Variants in MICAL1 observed in about 807,000 individuals in gnomAD.
MICAL1 encodes the protein microtubule associated monooxygenase, calponin and LIM domain containing 1, also known as [F-actin]-monooxygenase MICAL1.
MICAL1 carries 95 observed loss-of-function variants against 131.8 expected under a neutral mutation model. The ratio of observed to expected loss-of-function variants is 0.72; its 90% CI spans 0.61 to 0.86. The LOEUF (loss-of-function observed/expected upper bound fraction) is 0.86. Ranked by LOEUF, MICAL1 falls within the 40% of genes least tolerant of loss-of-function variation. The pLI, the probability that MICAL1 is intolerant of heterozygous loss-of-function variation, is 0.00. For missense variants in MICAL1, 1,292 were observed against 1,380.6 expected, an observed-to-expected ratio of 0.94 and a Z score of 1.02; for synonymous variants, 546 against 554.2, an observed-to-expected ratio of 0.99 and a Z score of 0.21.
Position 109,452,546 on chromosome 6 carries a change from A to C in MICAL1, c.641T>G (p.Leu214Arg). ...GAATTTACCTCCTGCAGCCGAGATA[A>C]GGACGTCAAATTCATAGTTGGCCAG... Reference protein sequence around the residue: ...AQLANYEFDVLISAAGGKFVP... With the variant: ...AQLANYEFDVRISAAGGKFVP... The change falls in exon 5 of 25, where the codon CTT becomes CGT. Residue 214 changes from leucine (L) to arginine (R), a missense_variant. Coordinates refer to ENST00000358807, the MANE Select transcript of MICAL1 (RefSeq NM_022765.4). The C allele has an allele frequency of 6.2e-7, 1 of 1,614,016 alleles. No homozygotes were observed. Among genetic ancestry groups the C allele is most frequent in the Non-Finnish European group, 8.5e-7 (1 of 1,179,998 alleles).
upstream of MICAL1, among the ~76,000 whole-genome samples, chr6:109,458,148 G>A (rs1356998194): frequency 2.6e-5 from 4 of 150,978 alleles, no homozygotes; most frequent in African/African-American, 9.7e-5. Context: ...CTCTATTAAA[G>A]CTATTTATTA....
chr6:109,453,146 C>T (rs958512231), intron 4 of MICAL1, 117 bp downstream of exon 4: 54 of 774,904 alleles, frequency 7.0e-5, no homozygotes, highest in East Asian at 3.2e-4. Context: ...GGTGACAGAA[C>T]GAGACTCTGT....
At chr6:109,451,472 G>A (rs2115335727) in intron 7 of MICAL1, 128 bp downstream of exon 7, 2 of 1,117,398 alleles carry the variant, frequency 1.8e-6, no homozygotes, top group Non-Finnish European at 2.5e-6. Context: ...TTTTAGAGGT[G>A]AAGTTAATGC....
chr6:109,449,637 G>A lies in MICAL1; in HGVS notation c.1434+20C>T. ...AGGGGGTTGGCTTGGGAAGGCTGGT[G>A]GGTGTGTCGGGGGTCTGACCTGATT... On this transcript the variant is annotated intron_variant, in intron 10 of 24. Transcript: ENST00000358807. 6.3e-7 allele frequency: 1 copy of A among 1,583,976 alleles called. No homozygotes were observed. Among genetic ancestry groups the A allele is most frequent in the Non-Finnish European group, 8.6e-7 (1 of 1,164,484 alleles).
intron 17 of MICAL1, 64 bp downstream of exon 17, chr6:109,447,009 G>T: frequency 1.3e-6 from 2 of 1,575,664 alleles, no homozygotes; most frequent in Non-Finnish European, 1.7e-6. Flanking sequence ...TCTACCTCAA[G>T]CTCTGTGTCC....
chr6:109,459,801 CTTAA>C (rs201808547), upstream of MICAL1, among the ~76,000 whole-genome samples: 2,750 of 152,288 alleles, frequency 0.018, 91 homozygotes, highest in African/African-American at 0.063. Flanking sequence ...CCAGAAGCCA[CTTAA>C]TTAACCAAAC....
intron 17 of MICAL1, 48 bp downstream of exon 17, chr6:109,447,025 G>GCAGGGC (rs1203593648): frequency 6.3e-7 from 1 of 1,596,138 alleles, no homozygotes; most frequent in African/African-American, 1.3e-5. Flanking sequence ...TGTCCCCCAA[G>GCAGGGC]CAGGGCCAGG....
At chr6:109,454,589 G>A (rs557170644) in intron 1 of MICAL1, 132 of 291,682 alleles carry the variant, frequency 4.5e-4, no homozygotes, top group Non-Finnish European at 5.9e-4. Context: ...CAGGGTGTGC[G>A]GGGATTTCTT....
rs191384008 is a variant in MICAL1, at chr6:109,460,839, C to T, written c.14+4825G>A. 3.2e-4 allele frequency among the ~76,000 whole-genome samples: 49 copies of T among 152,230 alleles called. No individual in the cohort carries two copies. The East Asian group carries it at 9.5e-3, about 29-fold the overall frequency. On this transcript the variant is annotated intron_variant, in intron 1 of 24. Transcript: ENST00000630715. ...GGATAACAAAAATAAAACAAACCTA[C>T]CCTAAACTTAAAATATCCTCAGTCA... is the stretch of plus-strand genomic sequence containing the variant.
intron 10 of MICAL1, 39 bp from the exon 11 acceptor site, chr6:109,449,520 A>G (rs752477140): frequency 6.2e-7 from 1 of 1,612,962 alleles, no homozygotes; most frequent in Non-Finnish European, 8.5e-7. Context: ...CAGGCTGGCC[A>G]CACAGCCCCT....
chr6:109,444,997 T>C lies in MICAL1; in HGVS notation c.2882-2A>G. 6.2e-7 allele frequency: 1 copy of C among 1,613,504 alleles called. No homozygotes were observed. The highest frequency in any genetic ancestry group is 8.5e-7 in the Non-Finnish European group (1 of 1,179,978). ...GTTTCTTTTGCTGTTCTGGGGAACC[T>C]GAGAAGAAGGAAGATGGGTAGGGTG... On this transcript the variant is annotated splice_acceptor_variant, in intron 22 of 24. Coordinates refer to ENST00000358807, the MANE Select transcript of MICAL1 (RefSeq NM_022765.4). LOFTEE classifies it high-confidence loss of function.
chr6:109,453,378 G>C lies in MICAL1; in HGVS notation c.467-11C>G, dbSNP rs763538350. On this transcript the variant is annotated splice_polypyrimidine_tract_variant and intron_variant, in intron 3 of 24. Coordinates refer to ENST00000358807, the MANE Select transcript of MICAL1 (RefSeq NM_022765.4). ...GGAGCTGCCTGATGCCTGGAAGGGA[G>C]AGGACATTAGGAACAGGGACCCTAG... 2.5e-6 allele frequency: 4 copies of C among 1,612,404 alleles called. No homozygotes were observed. The East Asian group carries it at 8.9e-5, about 36-fold the overall frequency.
chr6:109,446,462 C>G (rs544006046), intron 18 of MICAL1, 50 bp from the exon 19 acceptor site: 1 of 717,850 alleles, frequency 1.4e-6, no homozygotes, highest in Non-Finnish European at 1.9e-6. Context: ...GCCACCCCTT[C>G]GGAGCAAAGG....
chr6:109,444,432 C>T, intron 24 of MICAL1, 93 bp from the exon 25 acceptor site: 4 of 1,559,528 alleles, frequency 2.6e-6, no homozygotes, highest in Non-Finnish European at 3.5e-6. Context: ...TTTCTATAAC[C>T]CGGGCTTTGT....
chr6:109,449,809 G>C (rs1280791397), intron 9 of MICAL1, 26 bp from the exon 10 acceptor site: 1 of 1,596,806 alleles, frequency 6.3e-7, no homozygotes, highest in South Asian at 1.1e-5. Context: ...TAAGGGGCAG[G>C]GGCATGAATG....
chr6:109,445,883 G>A (rs746756799), intron 19 of MICAL1, 21 bp from the exon 20 acceptor site: 13 of 1,588,524 alleles, frequency 8.2e-6, no homozygotes, highest in South Asian at 4.6e-5. Flanking sequence ...GAACTGAGAC[G>A]TTCTACTGCC....
chr6:109,449,417 G>A lies in MICAL1; in HGVS notation c.1499C>T (p.Thr500Ile), dbSNP rs764827532. 1 of 1,614,196 alleles carries A rather than the reference G, an allele frequency of 6.2e-7. No individual in the cohort carries two copies. The highest frequency in any genetic ancestry group is 8.5e-7 in the Non-Finnish European group (1 of 1,180,042). ...PVQRNNDKTD[T>I]GMPATGSAGT... ...CTGCTCACCGGTGGCTGGCATCCCTGTATCTGTCTTGTCGTTGTTCCTCTG... is the reference window on the plus strand; with the variant it reads ...CTGCTCACCGGTGGCTGGCATCCCTATATCTGTCTTGTCGTTGTTCCTCTG... Residue 500 changes from threonine (T) to isoleucine (I), a missense_variant, in exon 11 of 25, where the codon ACA becomes ATA. Thr to Ile is a moderately conservative substitution (Grantham distance 89, BLOSUM62 -1). Coordinates refer to ENST00000358807, the MANE Select transcript of MICAL1 (RefSeq NM_022765.4).
rs561895552 is a variant in MICAL1, at chr6:109,444,791, C to T, written c.2989G>A (p.Glu997Lys). 1.2e-6 allele frequency: 2 copies of T among 1,614,138 alleles called. No homozygotes were observed. The highest frequency in any genetic ancestry group is 3.3e-5 in the Admixed American group (2 of 60,026). ...EEAELMITVQ[E>K]LNLEEKQWQL... ...CACTGTTTCTCCTCCAGATTCAATT[C>T]CTGCACCCTGTGGAGGTCAGGGATT... Residue 997 changes from glutamate (E) to lysine (K), a missense_variant, in exon 24 of 25, where the codon GAA (glutamate) becomes AAA (lysine). Physicochemically the swap from Glu to Lys is moderately conservative, Grantham distance 56. Coordinates refer to ENST00000358807, the MANE Select transcript of MICAL1 (RefSeq NM_022765.4).
chr6:109,451,239 C>G (rs574046863), intron 7 of MICAL1, among the ~76,000 whole-genome samples: 1 of 151,638 alleles, frequency 6.6e-6, no homozygotes, highest in South Asian at 2.1e-4. Context: ...CTGCAACTTC[C>G]GCCTCCCAGG....
Sources: gnomAD v4.1 joint callset for allele counts (sites outside exome capture counted in the v4.1 genomes callset) on GRCh38, gnomAD v4.1.1 for gene constraint, MANE v1.5 for transcripts, NCBI Gene and HGNC (gene_info 2026-07-23, HGNC 2026-07-21) for gene names.